ZNF407: variants seen among roughly 807,000 people sequenced by gnomAD.
ZNF407 encodes zinc finger protein 407.
Under a neutral mutation model 131.2 loss-of-function variants are expected in ZNF407, and 17 were observed. That is an observed-to-expected ratio of 0.13 (90% CI 0.09 to 0.19). ZNF407 has a LOEUF of 0.19. Ranked by LOEUF, ZNF407 falls within the 10% of genes least tolerant of loss-of-function variation. The pLI is 1.00. For missense variants in ZNF407, 2,681 were observed against 2,830.6 expected (o/e 0.95, Z 1.20); for synonymous variants, 1,156 against 1,062.0 (o/e 1.09, Z -1.72).
intron 3 of ZNF407, among the ~76,000 whole-genome samples, chr18:74,679,742 T>C (rs1048517323): frequency 2.0e-5 from 3 of 152,222 alleles, no homozygotes; most frequent in African/African-American, 7.2e-5. Flanking sequence ...ACTCAGGAGT[T>C]ACACAGGACA....
At chr18:74,714,506 C>A (rs932860834) in intron 3 of ZNF407, among the ~76,000 whole-genome samples, 6 of 151,966 alleles carry the variant, frequency 3.9e-5, no homozygotes, top group Non-Finnish European at 1.5e-5. Context: ...TTTATTTTTC[C>A]TTTTTAGAAG....
chr18:74,601,317 GTGTGTGTATGTC>G (rs1195526966), intron 1 of ZNF407, among the ~76,000 whole-genome samples: 1 of 130,130 alleles, frequency 7.7e-6, no homozygotes, highest in East Asian at 2.4e-4. Flanking sequence ...GTGTGTGTGT[GTGTGTGTATGTC>G]TGTGTGTGTG....
intron 7 of ZNF407, 24 bp from the exon 8 acceptor site, chr18:74,920,490 T>G (rs1971832835): frequency 6.4e-7 from 1 of 1,550,684 alleles, no homozygotes. Context: ...TTAATTAGAT[T>G]TACTTTTCTG....
chr18:74,759,906 T>C (rs1468297909), intron 3 of ZNF407, among the ~76,000 whole-genome samples: 1 of 151,656 alleles, frequency 6.6e-6, no homozygotes, highest in Non-Finnish European at 1.5e-5. Flanking sequence ...TGACTGCTTT[T>C]TTCCCCCAGT....
At chr18:74,660,889 A>G (rs1429376559) in intron 3 of ZNF407, among the ~76,000 whole-genome samples, 3 of 152,186 alleles carry the variant, frequency 2.0e-5, no homozygotes, top group African/African-American at 4.8e-5. Flanking sequence ...GGTGGAGCTG[A>G]TAATTCTTGC....
rs527513385 is a variant in ZNF407 at position 74,835,391 on chromosome 18, G to T, written c.4878-41806G>T. 2.0e-5 allele frequency among the ~76,000 whole-genome samples: 3 copies of T among 152,302 alleles called. No individual in the cohort carries two copies. In the South Asian group the frequency reaches 6.2e-4, roughly 32 times the overall value. ...GGCCCAGTGGTCAGTGTTGCACAAGGTGTGAAGTTGTGAATTGGTCCCCGC... is the reference window on the plus strand; with the variant it reads ...GGCCCAGTGGTCAGTGTTGCACAAGTTGTGAAGTTGTGAATTGGTCCCCGC... On this transcript the variant is annotated intron_variant, in intron 4 of 8. Coordinates refer to ENST00000299687, the MANE Select transcript of ZNF407 (RefSeq NM_017757.3).
At chr18:74,799,132 A>T (rs1236806547) in intron 4 of ZNF407, among the ~76,000 whole-genome samples, 2 of 152,120 alleles carry the variant, frequency 1.3e-5, no homozygotes, top group Non-Finnish European at 2.9e-5. Flanking sequence ...TTTTAGGTTG[A>T]CTAATATTGT....
chr18:75,036,555 A>C (rs1008469137), intron 8 of ZNF407, among the ~76,000 whole-genome samples: 2 of 152,238 alleles, frequency 1.3e-5, no homozygotes, highest in African/African-American at 4.8e-5. Context: ...TTTGCGATTA[A>C]ATCTTAACAA....
intron 8 of ZNF407, among the ~76,000 whole-genome samples, chr18:75,018,310 T>C (rs1006088340): frequency 1.3e-4 from 20 of 151,758 alleles, no homozygotes; most frequent in Admixed American, 1.1e-3. Context: ...ACTTATATAA[T>C]AGGAGGAGAA....
At chr18:74,609,527 T>G (rs555114305) in intron 1 of ZNF407, among the ~76,000 whole-genome samples, 175 of 152,110 alleles carry the variant, frequency 1.2e-3, no homozygotes, top group African/African-American at 3.9e-3. Flanking sequence ...AAAAAAAAGG[T>G]ATACTTGTTT....
At chr18:74,865,369 C>T in intron 4 of ZNF407, among the ~76,000 whole-genome samples, 1 of 152,128 alleles carries the variant, frequency 6.6e-6, no homozygotes. Context: ...CATTTTTATT[C>T]TTTCCTTGCC....
chr18:74,804,508 A>C, intron 4 of ZNF407: 1 of 987,772 alleles, frequency 1.0e-6, no homozygotes, highest in Non-Finnish European at 1.2e-6. Context: ...AAAATTTCAC[A>C]CTCAGATGCA....
At chr18:74,749,301 C>G (rs1968743919) in intron 3 of ZNF407, among the ~76,000 whole-genome samples, 1 of 152,122 alleles carries the variant, frequency 6.6e-6, no homozygotes, top group Non-Finnish European at 1.5e-5. Context: ...TCTGCTCTGC[C>G]CTTTCCTTAC....
At chr18:74,875,337 A>G (rs1024238908) in intron 4 of ZNF407, among the ~76,000 whole-genome samples, 1 of 152,182 alleles carries the variant, frequency 6.6e-6, no homozygotes, top group African/African-American at 2.4e-5. Flanking sequence ...TTAGTTTAAC[A>G]TTTTTATTAC....
chr18:74,817,929 G>T (rs1018794949), intron 4 of ZNF407, among the ~76,000 whole-genome samples: 8 of 152,162 alleles, frequency 5.3e-5, no homozygotes, highest in African/African-American at 1.9e-4. Context: ...GAATGGGTTG[G>T]TTATCTGCAC....
chr18:75,036,180 A>C (rs1973306152), intron 8 of ZNF407, among the ~76,000 whole-genome samples: 1 of 152,244 alleles, frequency 6.6e-6, no homozygotes, highest in Non-Finnish European at 1.5e-5. Flanking sequence ...GAGAGTTCTG[A>C]AAACCCATTC....
chr18:74,918,656 T>A (rs1971805273), intron 7 of ZNF407, among the ~76,000 whole-genome samples: 1 of 152,246 alleles, frequency 6.6e-6, no homozygotes, highest in African/African-American at 2.4e-5. Context: ...ACAGAGCCTT[T>A]GCCCAAAGCA....
intron 8 of ZNF407, among the ~76,000 whole-genome samples, chr18:75,022,945 G>A (rs1973128048): frequency 6.6e-6 from 1 of 152,148 alleles, no homozygotes; most frequent in Non-Finnish European, 1.5e-5. Flanking sequence ...GCTCATCAGT[G>A]ATAGACTGGA....
intron 8 of ZNF407, among the ~76,000 whole-genome samples, chr18:75,016,323 G>C (rs1409561662): frequency 6.6e-6 from 1 of 151,996 alleles, no homozygotes. Flanking sequence ...CTTAAAATTA[G>C]TTAAATATAT....
Sources: gnomAD v4.1 joint callset for allele counts (sites outside exome capture counted in the v4.1 genomes callset) on GRCh38, gnomAD v4.1.1 for gene constraint, MANE v1.5 for transcripts, NCBI Gene and HGNC (gene_info 2026-07-23, HGNC 2026-07-21) for gene names.